PANX1: variants seen among roughly 807,000 people sequenced by gnomAD.
The protein encoded by PANX1 is pannexin-1.
Under a neutral mutation model 38.7 loss-of-function variants are expected in PANX1, and 30 were observed. That is an observed-to-expected ratio of 0.78 (90% CI 0.58 to 1.05). PANX1 has a LOEUF of 1.05. Among genes scored for constraint, PANX1 ranks in the 50% least tolerant of loss-of-function variants. The pLI is 0.00. For missense variants in PANX1, 551 were observed against 517.2 expected, an observed-to-expected ratio of 1.07 and a Z score of -0.63; for synonymous variants, 230 against 212.2, an observed-to-expected ratio of 1.08 and a Z score of -0.73.
At chr11:94,154,210 A>G (rs1946919958) in intron 2 of PANX1, among the ~76,000 whole-genome samples, 1 of 152,128 alleles carries the variant, frequency 6.6e-6, no homozygotes, top group Non-Finnish European at 1.5e-5. Context: ...AAGGGGAGAT[A>G]CTACACAAGA....
chr11:94,164,062 G>C (rs188426408), intron 2 of PANX1, among the ~76,000 whole-genome samples: 284 of 151,528 alleles, frequency 1.9e-3, no homozygotes, highest in African/African-American at 6.7e-3. Flanking sequence ...AATTTCTGTG[G>C]TATGAATGAT....
chr11:94,159,768 T>C (rs1175197719), intron 2 of PANX1, among the ~76,000 whole-genome samples: 1 of 151,504 alleles, frequency 6.6e-6, no homozygotes, highest in Non-Finnish European at 1.5e-5. Context: ...GCCTTCTGCT[T>C]GCTTTTGAAT....
rs59182320 is a variant in PANX1 at position 94,162,871 on chromosome 11, C to CTTTTTTTTTT, written c.321+9250_321+9259dup. Reference sequence around the variant, plus strand: ...GGCCATCTTGGCTCCACCAACCTCTCTTTTTTTTTTTTTTTTTTGAGACAG... The same window carrying CTTTTTTTTTT: ...GGCCATCTTGGCTCCACCAACCTCTCTTTTTTTTTTTTTTTTTTTTTTTTTTTTGAGACAG... On this transcript the variant is annotated intron_variant, in intron 2 of 4. Transcript: ENST00000227638. Among the ~76,000 whole-genome samples the CTTTTTTTTTT allele has an allele frequency of 1.5e-3, 160 of 107,406 alleles. 9 individuals are homozygous for CTTTTTTTTTT. Among genetic ancestry groups the CTTTTTTTTTT allele is most frequent in the African/African-American group, 5.3e-3 (132 of 24,960 alleles). 70.5% of individuals were successfully genotyped at this position (107,406 alleles called of 152,430 possible).
rs17856519 is a variant in PANX1, at chr11:94,129,322, G to A, written c.10G>A (p.Ala4Thr). The A allele has an allele frequency of 1.2e-6, 2 of 1,609,810 alleles. No individual in the cohort carries two copies. Among genetic ancestry groups the A allele is most frequent in the Non-Finnish European group, 1.7e-6 (2 of 1,176,936 alleles). The change falls in exon 1 of 5, where the codon GCT becomes ACT. Residue 4 changes from alanine (A) to threonine (T), a missense_variant. Physicochemically the swap from Ala to Thr is moderately conservative, Grantham distance 58. Coordinates refer to ENST00000227638, the MANE Select transcript of PANX1 (RefSeq NM_015368.4). ...CTGGCGCGCCGCAGCCATGGCCATC[G>A]CTCAACTGGCCACGGAGTACGTGTT... MAI[A>T]QLATEYVFSD...
intron 1 of PANX1, among the ~76,000 whole-genome samples, chr11:94,149,897 T>A (rs1946866343): frequency 6.6e-6 from 1 of 152,216 alleles, no homozygotes; most frequent in Admixed American, 6.5e-5. Flanking sequence ...TGGTACACAA[T>A]CGTGCATGAA....
In PANX1 at chr11:94,181,154, A is replaced by G; in HGVS notation, c.*285A>G. On this transcript the variant is annotated 3_prime_UTR_variant, in exon 5 of 5. Coordinates refer to ENST00000227638, the MANE Select transcript of PANX1 (RefSeq NM_015368.4). ...AGCAGAAAGACAAGAACAATTAGTC[A>G]AGAGCAGTAGCCCTGTCAGAGCCTC... 1 of 374,396 alleles carries G rather than the reference A, an allele frequency of 2.7e-6. No homozygotes were observed. The highest frequency in any genetic ancestry group is 5.0e-6 in the Non-Finnish European group (1 of 201,728). 23.2% of individuals were successfully genotyped at this position (374,396 alleles called of 1,614,324 possible).
intron 2 of PANX1, among the ~76,000 whole-genome samples, chr11:94,154,164 T>A (rs1055015264): frequency 4.6e-5 from 7 of 152,116 alleles, no homozygotes; most frequent in Admixed American, 2.6e-4. Context: ...TTGGAATGGA[T>A]CCCTTTGCTT....
At chr11:94,133,242 T>C (rs967250327) in intron 1 of PANX1, among the ~76,000 whole-genome samples, 1 of 152,216 alleles carries the variant, frequency 6.6e-6, no homozygotes, top group East Asian at 1.9e-4. Context: ...GGTGTGGGGC[T>C]ACCTGGGCTG....
intron 1 of PANX1, among the ~76,000 whole-genome samples, chr11:94,129,852 C>T (rs904739732): frequency 4.6e-5 from 7 of 152,140 alleles, no homozygotes; most frequent in African/African-American, 1.7e-4. Flanking sequence ...TGTCCAGCCG[C>T]CTAAAATTTT....
chr11:94,180,165 T>C lies in PANX1; in HGVS notation c.1109T>C (p.Leu370Pro). Residue 370 changes from leucine (L) to proline (P), a missense_variant, in exon 4 of 5, where the codon CTT becomes CCT. By Grantham distance (98) the Leu-to-Pro change is moderately conservative. Coordinates refer to ENST00000227638, the MANE Select transcript of PANX1 (RefSeq NM_015368.4). ...GACCCAATGCTACTCCTGACAAACC[T>C]TGGCATGATCAAGATGGATGTTGTT... is the stretch of plus-strand genomic sequence containing the variant. ...GIDPMLLLTN[L>P]GMIKMDVVDG... 1 of 1,614,002 alleles carries C rather than the reference T, an allele frequency of 6.2e-7. No homozygotes were observed. The highest frequency in any genetic ancestry group is 1.1e-5 in the South Asian group (1 of 91,074).
chr11:94,166,419 T>C (rs1841559493), intron 2 of PANX1, among the ~76,000 whole-genome samples: 2 of 152,246 alleles, frequency 1.3e-5, no homozygotes, highest in Non-Finnish European at 2.9e-5. Flanking sequence ...AGGATAACTT[T>C]GCTGGTGATG....
intron 3 of PANX1, 98 bp downstream of exon 3, chr11:94,178,690 C>CTAGGAGTTCTCATTGCTA: frequency 2.2e-6 from 2 of 910,882 alleles, no homozygotes; most frequent in East Asian, 5.2e-5. Flanking sequence ...TGCTAGGAGG[C>CTAGGAGTTCTCATTGCTA]GGGGCAGGAG....
chr11:94,171,961 G>A (rs1028614825), intron 2 of PANX1, among the ~76,000 whole-genome samples: 1 of 150,912 alleles, frequency 6.6e-6, no homozygotes, highest in Non-Finnish European at 1.5e-5. Context: ...GAATGCGGGA[G>A]GCAACTATTA....
chr11:94,175,896 G>A (rs1211406334), intron 2 of PANX1: 4 of 984,732 alleles, frequency 4.1e-6, no homozygotes, highest in Non-Finnish European at 4.8e-6. Flanking sequence ...TTGGTAAGAG[G>A]GCTTTGCAAA....
intron 1 of PANX1, among the ~76,000 whole-genome samples, chr11:94,145,999 C>T (rs898049824): frequency 6.6e-6 from 1 of 152,186 alleles, no homozygotes; most frequent in Non-Finnish European, 1.5e-5. Flanking sequence ...AGGAGCACAT[C>T]GAGCACCCAA....
At position 94,153,706 on chromosome 11, in the gene PANX1, A is replaced by G. The variant is rs1946912783; in HGVS notation, c.321+76A>G. On this transcript the variant is annotated intron_variant, in intron 2 of 4. Transcript: ENST00000227638. ...ACTAAAGCCCAGGGAGGCTATGCCA[A>G]AGACCACACAGATATTGTAGCCAAC... The G allele has an allele frequency of 1.0e-5, 14 of 1,360,924 alleles. No homozygotes were observed. The South Asian group carries it at 1.8e-4, about 17-fold the overall frequency. The allele number at this position is 1,360,924 out of a possible 1,614,324, so 84.3% of individuals were successfully genotyped here.
At chr11:94,159,902 T>C (rs1322877619) in intron 2 of PANX1, among the ~76,000 whole-genome samples, 2 of 152,118 alleles carry the variant, frequency 1.3e-5, no homozygotes, top group South Asian at 2.1e-4. Flanking sequence ...GCTTTGAATG[T>C]GTCCCAGAGA....
At chr11:94,130,204 T>A (rs560348742) in intron 1 of PANX1, among the ~76,000 whole-genome samples, 23 of 152,168 alleles carry the variant, frequency 1.5e-4, no homozygotes, top group African/African-American at 5.3e-4. Flanking sequence ...CAGGAGAGAG[T>A]GTTTATGAAC....
At chr11:94,157,396 C>A (rs1426617598) in intron 2 of PANX1, among the ~76,000 whole-genome samples, 1 of 152,118 alleles carries the variant, frequency 6.6e-6, no homozygotes, top group Non-Finnish European at 1.5e-5. Context: ...TCTCCCGCAC[C>A]TGTTGTTTCC....
Sources: gnomAD v4.1 joint callset for allele counts (sites outside exome capture counted in the v4.1 genomes callset) on GRCh38, gnomAD v4.1.1 for gene constraint, MANE v1.5 for transcripts, NCBI Gene and HGNC (gene_info 2026-07-23, HGNC 2026-07-21) for gene names.